ITGB7: variants seen among roughly 807,000 people sequenced by gnomAD.
The protein encoded by ITGB7 is integrin beta-7.
Under a neutral mutation model 83.4 loss-of-function variants are expected in ITGB7, and 55 were observed. The observed-to-expected ratio is 0.66, with a 90% confidence interval of 0.53 to 0.83. ITGB7 has a LOEUF of 0.83. ITGB7 is among the 40% of genes least tolerant of loss of function. The pLI, the probability that ITGB7 is intolerant of heterozygous loss-of-function variation, is 0.00. For missense variants in ITGB7, 921 were observed against 1,046.7 expected, an observed-to-expected ratio of 0.88 and a Z score of 1.66; for synonymous variants, 454 against 423.6, an observed-to-expected ratio of 1.07 and a Z score of -0.88.
intron 3 of ITGB7, among the ~76,000 whole-genome samples, chr12:53,198,200 G>C (rs1180405603): frequency 6.6e-6 from 1 of 152,130 alleles, no homozygotes; most frequent in African/African-American, 2.4e-5. Context: ...TGCTATCTCC[G>C]CTCACTGCAA....
chr12:53,198,316 G>A (rs905479733), intron 3 of ITGB7, among the ~76,000 whole-genome samples: 3 of 152,006 alleles, frequency 2.0e-5, no homozygotes, highest in African/African-American at 7.2e-5. Context: ...TAGTAGAGAC[G>A]GGATTTCCCC....
Position 53,193,956 on chromosome 12 carries a change from CA to C in ITGB7, c.1309-56del, listed in dbSNP as rs1397358459. 4 of 1,491,342 alleles carry C rather than the reference CA, an allele frequency of 2.7e-6. No individual in the cohort carries two copies. The African/African-American group carries it at 5.6e-5, about 21-fold the overall frequency. 92.4% of individuals were successfully genotyped at this position (1,491,342 alleles called of 1,614,324 possible). On this transcript the variant is annotated intron_variant, in intron 10 of 15. Transcript: ENST00000267082. ...TATACACATGCACACACACATACCC[CA>C]AACTCACCAATCATCCAGAACCTCA... is the stretch of plus-strand genomic sequence containing the variant.
At chr12:53,202,704 T>G (rs1942348198) in intron 1 of ITGB7, among the ~76,000 whole-genome samples, 1 of 151,940 alleles carries the variant, frequency 6.6e-6, no homozygotes. Flanking sequence ...GGCTCATGCC[T>G]GTAATCCCAA....
rs1482852108 is a variant in ITGB7 at position 53,192,555 on chromosome 12, A to G, written c.1947-17T>C. ...GCACAGTCCCTGTGTAGTAGATGCCAATAGGTTACCAGCTGGGCAGTTGTC... is the reference window on the plus strand; with the variant it reads ...GCACAGTCCCTGTGTAGTAGATGCCGATAGGTTACCAGCTGGGCAGTTGTC... On this transcript the variant is annotated splice_polypyrimidine_tract_variant and intron_variant, in intron 13 of 15. Transcript: ENST00000267082. 3 of 1,612,572 alleles carry G rather than the reference A, an allele frequency of 1.9e-6. No homozygotes were observed. Among genetic ancestry groups the G allele is most frequent in the Non-Finnish European group, 2.5e-6 (3 of 1,178,972 alleles).
At chr12:53,194,429 T>TTCTGCCAGCACCCTGCCC (rs1336378112) in intron 9 of ITGB7, 85 bp from the exon 10 acceptor site, 50 of 1,403,940 alleles carry the variant, frequency 3.6e-5, no homozygotes, top group Non-Finnish European at 4.5e-5. Flanking sequence ...GTGTTCCCAA[T>TTCTGCCAGCACCCTGCCC]TCTGCCAGCA....
chr12:53,205,030 G>A, intron 1 of ITGB7, among the ~76,000 whole-genome samples: 1 of 151,672 alleles, frequency 6.6e-6, no homozygotes, highest in East Asian at 1.9e-4. Context: ...TCACTATGTT[G>A]GCCAGGCTGG....
chr12:53,196,842 G>A (rs1942178632), intron 5 of ITGB7, 22 bp from the exon 6 acceptor site: 9 of 1,579,422 alleles, frequency 5.7e-6, no homozygotes, highest in Non-Finnish European at 7.8e-6. Flanking sequence ...GAGGAATGAA[G>A]GTTGTGCCAG....
Position 53,193,855 on chromosome 12 carries a change from G to T in ITGB7, c.1355C>A (p.Pro452His). Residue 452 changes from proline (P) to histidine (H), a missense_variant, in exon 11 of 16, where the codon CCC (proline) becomes CAC (histidine). Physicochemically the swap from Pro to His is moderately conservative, Grantham distance 77. Transcript: ENST00000267082. ...SLQATHCLPE[P>H]HLLRLRALGF... is the part of the protein sequence containing the mutation. ...AAGGGCCCGGAGCCTCAGGAGATGG[G>T]GCTCTGGGAGGCAGTGGGTGGCTTG... 1 of 1,613,956 alleles carries T rather than the reference G, an allele frequency of 6.2e-7. No individual in the cohort carries two copies. The highest frequency in any genetic ancestry group is 8.5e-7 in the Non-Finnish European group (1 of 1,179,944).
rs767087706 is a variant in ITGB7 at position 53,194,339 on chromosome 12, C to G, written c.1167G>C (p.Leu389=). The G allele has an allele frequency of 6.2e-7, 1 of 1,614,024 alleles. No individual in the cohort carries two copies. Among genetic ancestry groups the G allele is most frequent in the Admixed American group, 1.7e-5 (1 of 60,006 alleles). Residue 389 remains leucine (L), a synonymous_variant, in exon 10 of 16, where the codon CTG becomes CTC. Coordinates refer to ENST00000267082, the MANE Select transcript of ITGB7 (RefSeq NM_000889.3). ...VQLIMDAYNS[L]SSTVTLEHSS... Reference sequence around the variant, plus strand: ...AGTGTTCAAGGGTCACGGTGGAAGACAGGCTCTATGGGAAGAGAGCGAGTG... The same window carrying G: ...AGTGTTCAAGGGTCACGGTGGAAGAGAGGCTCTATGGGAAGAGAGCGAGTG...
intron 2 of ITGB7, 57 bp from the exon 3 acceptor site, chr12:53,200,503 C>G (rs769289618): frequency 2.3e-5 from 33 of 1,457,698 alleles, no homozygotes; most frequent in Non-Finnish European, 3.1e-5. Context: ...CTCAAACTCT[C>G]AGTCCTCTAA....
chr12:53,193,298 A>G lies in ITGB7; in HGVS notation c.1568T>C (p.Leu523Pro). 6.2e-7 allele frequency: 1 copy of G among 1,612,032 alleles called. No individual in the cohort carries two copies. The highest frequency in any genetic ancestry group is 8.5e-7 in the Non-Finnish European group (1 of 1,178,408). Residue 523 changes from leucine (L) to proline (P), a missense_variant, in exon 12 of 16, where the codon CTG becomes CCG. Coordinates refer to ENST00000267082, the MANE Select transcript of ITGB7 (RefSeq NM_000889.3). ...ATTGGGAGCCCGGCACCCAGATTCC[A>G]GGTCTGGGGAGGACAGCTCTGCCAC... ...CSVAELSSPDLESGCRAPNGT... is the reference protein window; with the variant it reads ...CSVAELSSPDPESGCRAPNGT...
rs946026336 is a variant in ITGB7, at chr12:53,197,623, C to T, written c.444G>A (p.Glu148=). Residue 148 remains glutamate (E), a synonymous_variant, in exon 5 of 16, where the codon GAG becomes GAA. Coordinates refer to ENST00000267082, the MANE Select transcript of ITGB7 (RefSeq NM_000889.3). The part of the protein sequence containing the change: ...QQLQVRFLRA[E]GYPVDLYYLM... ...GGTAGTACAGGTCCACCGGGTATCC[C>T]TCAGCACGAAGGAAGCGGACCTGGA... 1.2e-5 allele frequency: 19 copies of T among 1,614,128 alleles called. No homozygotes were observed. Among genetic ancestry groups the T allele is most frequent in the Non-Finnish European group, 1.5e-5 (18 of 1,179,982 alleles).
chr12:53,204,090 T>A (rs531530556), intron 1 of ITGB7, among the ~76,000 whole-genome samples: 1 of 151,970 alleles, frequency 6.6e-6, no homozygotes, highest in Admixed American at 6.6e-5. Context: ...TAAAAAGCAA[T>A]GAAATGGGTC....
intron 9 of ITGB7, 197 bp from the exon 10 acceptor site, chr12:53,194,541 G>C: frequency 1.8e-6 from 1 of 557,914 alleles, no homozygotes; most frequent in South Asian, 2.1e-5. Context: ...AGGATCCAGA[G>C]GCCTCTAATA....
chr12:53,197,553 G>A lies in ITGB7; in HGVS notation c.514C>T (p.Arg172Cys). 3 of 1,614,202 alleles carry A rather than the reference G, an allele frequency of 1.9e-6. No individual in the cohort carries two copies. Among genetic ancestry groups the A allele is most frequent in the Middle Eastern group, 1.6e-4 (1 of 6,062 alleles). ...YSMKDDLERV[R>C]QLGHALLVRL... Reference sequence around the variant, plus strand: ...ACCAGCAGAGCGTGCCCGAGCTGGCGCACGCGTTCCAGGTCGTCCTTCATG... The same window carrying A: ...ACCAGCAGAGCGTGCCCGAGCTGGCACACGCGTTCCAGGTCGTCCTTCATG... The change falls in exon 5 of 16, where the codon CGC becomes TGC. Residue 172 changes from arginine to cysteine, a missense_variant. Transcript: ENST00000267082.
In ITGB7 at chr12:53,195,627, T is replaced by C; in HGVS notation, c.1070A>G (p.Gln357Arg). ...AVTSAALPVY[Q>R]ELSKLIPKSA... is the part of the protein sequence containing the mutation. ...ATCTGACATGTAGACAGCTCTCACC[T>C]GGTAGACAGGCAGTGCGGCACTGGT... The change falls in exon 8 of 16, where the codon CAG becomes CGG. Residue 357 changes from glutamine (Q) to arginine (R), a missense_variant and splice_region_variant. Gln to Arg is a conservative substitution (Grantham distance 43). Coordinates refer to ENST00000267082, the MANE Select transcript of ITGB7 (RefSeq NM_000889.3). 6.2e-7 allele frequency: 1 copy of C among 1,613,050 alleles called. No homozygotes were observed. The highest frequency in any genetic ancestry group is 1.1e-5 in the South Asian group (1 of 91,062).
At chr12:53,196,533 T>G (rs1386399951) in intron 6 of ITGB7, 46 bp downstream of exon 6, 1 of 1,578,146 alleles carries the variant, frequency 6.3e-7, no homozygotes, top group South Asian at 1.2e-5. Flanking sequence ...GGCAGTCCTG[T>G]TCCCAAACAG....
In ITGB7 at chr12:53,192,862, G is replaced by C. The variant is rs146341613; in HGVS notation, c.1775C>G (p.Thr592Arg). 1.9e-6 allele frequency: 3 copies of C among 1,614,066 alleles called. No individual in the cohort carries two copies. Among genetic ancestry groups the C allele is most frequent in the Non-Finnish European group, 2.5e-6 (3 of 1,180,056 alleles). The change falls in exon 13 of 16, where the codon ACG becomes AGG. Residue 592 changes from threonine (T) to arginine (R), a missense_variant. Transcript: ENST00000267082. ...CCCACTGCATTCGCATGCTCTGCCC[G>C]TGCGGTTGGCATGACAGTGACATAC... ...CGVCHCHANRTGRACECSGDM... is the reference protein window; with the variant it reads ...CGVCHCHANRRGRACECSGDM...
chr12:53,193,466 G>A, intron 11 of ITGB7, 103 bp from the exon 12 acceptor site: 2 of 884,934 alleles, frequency 2.3e-6, no homozygotes, highest in Non-Finnish European at 3.4e-6. Context: ...AAGAGTTGGA[G>A]ACAGACAAAC....
Sources: gnomAD v4.1 joint callset for allele counts (sites outside exome capture counted in the v4.1 genomes callset) on GRCh38, gnomAD v4.1.1 for gene constraint, MANE v1.5 for transcripts, NCBI Gene and HGNC (gene_info 2026-07-23, HGNC 2026-07-21) for gene names.